NKAIN3: variants seen among roughly 807,000 people sequenced by gnomAD.
The protein encoded by NKAIN3 is sodium/potassium-transporting ATPase subunit beta-1-interacting protein 3.
In NKAIN3, 25 loss-of-function variants were observed where a neutral mutation model predicts 30.2. The ratio of observed to expected loss-of-function variants is 0.83; its 90% CI spans 0.60 to 1.16. The LOEUF (loss-of-function observed/expected upper bound fraction) is 1.16. Among genes scored for constraint, NKAIN3 ranks in the 50% most tolerant of loss-of-function variants. NKAIN3 has a pLI of 0.00. For missense variants in NKAIN3, 225 were observed against 254.1 expected (o/e 0.89, Z 0.78); for synonymous variants, 91 against 89.6 (o/e 1.02, Z -0.09).
At chr8:62,856,297 C>G (rs1820057218) in intron 4 of NKAIN3, 1 of 935,112 alleles carries the variant, frequency 1.1e-6, no homozygotes, top group Admixed American at 1.7e-5. Context: ...TATAAATGCC[C>G]AGAGATCACT....
intron 1 of NKAIN3, among the ~76,000 whole-genome samples, chr8:62,350,882 G>T (rs997433519): frequency 2.0e-5 from 3 of 151,374 alleles, no homozygotes; most frequent in Non-Finnish European, 4.4e-5. Context: ...TAGATATAGG[G>T]TTTCACCATG....
chr8:62,330,030 C>A (rs548677518), intron 1 of NKAIN3, among the ~76,000 whole-genome samples: 22 of 151,912 alleles, frequency 1.4e-4, no homozygotes, highest in African/African-American at 5.3e-4. Flanking sequence ...GTCTTGGTGA[C>A]AAGAACAGCC....
intron 4 of NKAIN3, among the ~76,000 whole-genome samples, chr8:62,865,575 T>A (rs1349782226): frequency 6.6e-6 from 1 of 152,238 alleles, no homozygotes; most frequent in Non-Finnish European, 1.5e-5. Context: ...TCTTGTGTTG[T>A]GTGACATGCA....
At chr8:62,775,487 A>G in intron 4 of NKAIN3, among the ~76,000 whole-genome samples, 1 of 151,756 alleles carries the variant, frequency 6.6e-6, no homozygotes, top group Non-Finnish European at 1.5e-5. Flanking sequence ...GTTTTTCAAG[A>G]TGTCATTATA....
chr8:62,501,294 C>A (rs1055316768), intron 1 of NKAIN3, among the ~76,000 whole-genome samples: 1 of 152,162 alleles, frequency 6.6e-6, no homozygotes, highest in African/African-American at 2.4e-5. Context: ...CTGCCACCCT[C>A]ATGACCTTAT....
intron 1 of NKAIN3, among the ~76,000 whole-genome samples, chr8:62,403,842 C>A (rs954759767): frequency 2.0e-5 from 3 of 152,316 alleles, no homozygotes; most frequent in Non-Finnish European, 4.4e-5. Flanking sequence ...GTCTTCCAGA[C>A]CCCAGAATGG....
At chr8:62,571,444 G>T (rs1455668468) in intron 1 of NKAIN3, among the ~76,000 whole-genome samples, 2 of 152,124 alleles carry the variant, frequency 1.3e-5, no homozygotes, top group Non-Finnish European at 2.9e-5. Flanking sequence ...AATGTTGAGT[G>T]TCTGCAGCTT....
rs115045430 is a variant in NKAIN3, at chr8:62,661,571, G to T, written c.273+71777G>T. ...TCTCTACTGGGTAAGTAGTCTGTCG[G>T]TGTAGAGTTTCACTCTAACAGACCT... On this transcript the variant is annotated intron_variant, in intron 3 of 6. Coordinates refer to ENST00000623646, the MANE Select transcript of NKAIN3 (RefSeq NM_001304533.3). Among the ~76,000 whole-genome samples, 446 of 152,250 alleles carry T rather than the reference G, an allele frequency of 2.9e-3. 1 individual carries two copies. Among genetic ancestry groups the T allele is most frequent in the African/African-American group, 0.01 (417 of 41,540 alleles).
chr8:62,910,898 G>A (rs1203285314), intron 4 of NKAIN3, among the ~76,000 whole-genome samples: 1 of 151,998 alleles, frequency 6.6e-6, no homozygotes, highest in East Asian at 1.9e-4. Flanking sequence ...CAATCCTCAG[G>A]CCTTTCTTCC....
intron 1 of NKAIN3, among the ~76,000 whole-genome samples, chr8:62,381,876 T>G (rs759986595): frequency 1.1e-4 from 17 of 152,188 alleles, no homozygotes; most frequent in Non-Finnish European, 2.2e-4. Context: ...TTCTAACTTC[T>G]GGTTAAATTC....
At chr8:62,465,685 C>T (rs552882452) in intron 1 of NKAIN3, among the ~76,000 whole-genome samples, 9 of 152,302 alleles carry the variant, frequency 5.9e-5, no homozygotes, top group Middle Eastern at 3.4e-3. Context: ...AGTTCCTGCT[C>T]TTGGTCTAAT....
chr8:62,513,908 C>T (rs1310238717), intron 1 of NKAIN3, among the ~76,000 whole-genome samples: 4 of 142,748 alleles, frequency 2.8e-5, no homozygotes, highest in South Asian at 2.3e-4. Context: ...TTGTAAAGAT[C>T]CGGTGGAGGA....
chr8:62,863,761 G>A (rs1048732579), intron 4 of NKAIN3: 8 of 1,609,536 alleles, frequency 5.0e-6, no homozygotes, highest in Non-Finnish European at 5.9e-6. Context: ...ACATATCCCA[G>A]CACAGCCAGA....
At chr8:62,504,739 T>C (rs1807577069) in intron 1 of NKAIN3, among the ~76,000 whole-genome samples, 1 of 152,188 alleles carries the variant, frequency 6.6e-6, no homozygotes, top group South Asian at 2.1e-4. Context: ...TAGCTCTGTG[T>C]TGCCTATAGC....
At chr8:62,420,732 A>G (rs1038292771) in intron 1 of NKAIN3, among the ~76,000 whole-genome samples, 2 of 152,188 alleles carry the variant, frequency 1.3e-5, no homozygotes, top group African/African-American at 4.8e-5. Context: ...AGAAGAAATA[A>G]ATAATCTGTA....
intron 3 of NKAIN3, among the ~76,000 whole-genome samples, chr8:62,722,284 G>T (rs1304106474): frequency 6.6e-6 from 1 of 152,148 alleles, no homozygotes; most frequent in Non-Finnish European, 1.5e-5. Flanking sequence ...ATTAATCTTT[G>T]CCAGTAACAA....
chr8:62,476,877 C>A, intron 1 of NKAIN3, among the ~76,000 whole-genome samples: 1 of 152,060 alleles, frequency 6.6e-6, no homozygotes. Flanking sequence ...ATTCCTGTGG[C>A]CCCTTTAAAT....
intron 1 of NKAIN3, among the ~76,000 whole-genome samples, chr8:62,386,372 T>A (rs1395264572): frequency 6.6e-6 from 1 of 152,184 alleles, no homozygotes; most frequent in Admixed American, 6.5e-5. Context: ...TTTTCATAAA[T>A]AGTGACTATG....
intron 4 of NKAIN3, among the ~76,000 whole-genome samples, chr8:62,759,923 T>G: frequency 6.6e-6 from 1 of 151,968 alleles, no homozygotes; most frequent in Non-Finnish European, 1.5e-5. Flanking sequence ...ATTTACAAAT[T>G]TACAAGAAAA....
Sources: allele counts gnomAD v4.1 joint callset (sites outside exome capture counted in the v4.1 genomes callset), GRCh38; gene constraint gnomAD v4.1.1; transcripts MANE v1.5; gene names NCBI Gene and HGNC (gene_info 2026-07-23, HGNC 2026-07-21).